Variants in RHCE observed in about 807,000 individuals in gnomAD.
RHCE encodes the protein blood group Rh(CE) polypeptide.
A neutral mutation model predicts 43.8 loss-of-function variants in RHCE; 22 were observed. The observed-to-expected ratio is 0.50, with a 90% CI of 0.36 to 0.72. The LOEUF (loss-of-function observed/expected upper bound fraction) is 0.72, where lower values mean the gene tolerates loss of function less well. Ranked by LOEUF, RHCE falls within the 30% of genes least tolerant of loss-of-function variation. The probability of loss-of-function intolerance (pLI) is 0.00; values close to 1 mark genes in which losing one functional copy is unlikely to be tolerated. For synonymous variants in RHCE, 156 were observed against 210.7 expected (o/e 0.74, Z 2.25); for missense variants, 385 against 525.4 (o/e 0.73, Z 2.61).
At chr1:25,425,770 A>G (rs1571937053), upstream of RHCE, among the ~76,000 whole-genome samples, 1 of 152,196 alleles carries the variant, frequency 6.6e-6, no homozygotes, top group Non-Finnish European at 1.5e-5. Context: ...CCCTGAGAAT[A>G]CCTGCCATGC....
chr1:25,413,380 G>A (rs1213424248), intron 1 of RHCE, among the ~76,000 whole-genome samples: 1 of 152,068 alleles, frequency 6.6e-6, no homozygotes, highest in East Asian at 1.9e-4. Context: ...TCCCAGCTTG[G>A]AGCATCCTCA....
rs151305419 is a variant in RHCE, at chr1:25,384,968, G to C, written c.1073+743C>G. 2.0e-5 allele frequency among the ~76,000 whole-genome samples: 3 copies of C among 152,324 alleles called. No individual in the cohort carries two copies. In the East Asian group the frequency reaches 5.8e-4, roughly 29 times the overall value. ...TATCAGTGAATATGATTATCATCAT[G>C]CTATCAGTTCATCTCTAAAAATCTA... is the stretch of plus-strand genomic sequence containing the variant. On this transcript the variant is annotated intron_variant, in intron 7 of 9. Transcript: ENST00000294413.
chr1:25,390,405 G>A (rs1056619904), intron 5 of RHCE, among the ~76,000 whole-genome samples: 24 of 152,150 alleles, frequency 1.6e-4, no homozygotes, highest in Non-Finnish European at 3.4e-4. Context: ...GAAGAGAGAG[G>A]CTGGCTAATT....
chr1:25,428,616 C>T (rs1270085123), intron 2 of RHCE, among the ~76,000 whole-genome samples: 2 of 152,228 alleles, frequency 1.3e-5, no homozygotes, highest in African/African-American at 4.8e-5. Flanking sequence ...GCTTGTCTGG[C>T]TCTGAAGGCT....
intron 1 of RHCE, among the ~76,000 whole-genome samples, chr1:25,411,969 T>C (rs925787264): frequency 4.6e-5 from 7 of 152,184 alleles, no homozygotes; most frequent in African/African-American, 1.7e-4. Context: ...AATTCTTCCA[T>C]TTTCCTCTCA....
chr1:25,379,517 TTTTTA>T (rs2124365185), intron 7 of RHCE, among the ~76,000 whole-genome samples: 1 of 111,482 alleles, frequency 9.0e-6, no homozygotes, highest in African/African-American at 3.6e-5. Context: ...TTTTTTTTTT[TTTTTA>T]AAGATGGGAT....
chr1:25,429,037 G>A (rs2042826863), exon 2 of RHCE: 1 of 152,226 alleles, frequency 6.6e-6, no homozygotes, highest in Admixed American at 6.5e-5. Context: ...TTCTCTTCCA[G>A]GCACTGGGAG....
chr1:25,372,953 C>T (rs1401918584), intron 8 of RHCE, among the ~76,000 whole-genome samples: 1 of 151,432 alleles, frequency 6.6e-6, no homozygotes, highest in East Asian at 1.9e-4. Context: ...TACAGGTGTA[C>T]CACCACACCT....
chr1:25,427,868 T>A (rs2042817221), intron 2 of RHCE, among the ~76,000 whole-genome samples: 1 of 152,188 alleles, frequency 6.6e-6, no homozygotes, highest in Admixed American at 6.5e-5. Context: ...AAGCACCACC[T>A]CCAGAGGAGA....
intron 3 of RHCE, among the ~76,000 whole-genome samples, chr1:25,395,702 C>T (rs914085774): frequency 1.3e-5 from 2 of 152,024 alleles, no homozygotes; most frequent in East Asian, 1.9e-4. Context: ...GTGTGTAAAC[C>T]GGAATCCAGG....
At chr1:25,379,473 ATATATATATATATATATATATATTTTT>A (rs1303009814) in intron 7 of RHCE, among the ~76,000 whole-genome samples, 6 of 12,586 alleles carry the variant, frequency 4.8e-4, no homozygotes, top group African/African-American at 9.3e-4. Context: ...ATATATATAT[ATATATATATATATATATATATATTTTT>A]TTTTTTTTTT....
intron 4 of RHCE, among the ~76,000 whole-genome samples, chr1:25,391,556 G>T (rs1646364866): frequency 6.6e-6 from 1 of 151,286 alleles, no homozygotes; most frequent in Non-Finnish European, 1.5e-5. Context: ...ATAGTCCTTT[G>T]CCTACTATCA....
chr1:25,410,371 A>ATT (rs1221493551), intron 1 of RHCE, among the ~76,000 whole-genome samples: 1 of 152,174 alleles, frequency 6.6e-6, no homozygotes, highest in East Asian at 1.9e-4. Flanking sequence ...ATTGTCTCTA[A>ATT]CTTTGGGAGA....
At chr1:25,397,713 A>C in intron 3 of RHCE, among the ~76,000 whole-genome samples, 6 of 145,576 alleles carry the variant, frequency 4.1e-5, no homozygotes, top group South Asian at 4.6e-4. Flanking sequence ...AGTCCACCCA[A>C]CTCCTTCCCT....
intron 1 of RHCE, among the ~76,000 whole-genome samples, chr1:25,418,691 T>G (rs1339804764): frequency 6.6e-6 from 1 of 152,254 alleles, no homozygotes; most frequent in African/African-American, 2.4e-5. Context: ...TGGCACCCAC[T>G]GTGCCCTCAC....
chr1:25,393,608 G>GACACT (rs111733038), intron 3 of RHCE, among the ~76,000 whole-genome samples: 3,347 of 151,932 alleles, frequency 0.022, 128 homozygotes, highest in African/African-American at 0.076. Context: ...GCGACAGAGT[G>GACACT]AGACTGCGTC....
chr1:25,380,640 A>C (rs1571849547), intron 7 of RHCE, among the ~76,000 whole-genome samples: 1 of 152,096 alleles, frequency 6.6e-6, no homozygotes, highest in South Asian at 2.1e-4. Flanking sequence ...TATGACTTTT[A>C]CCTTCCACAT....
intron 3 of RHCE, among the ~76,000 whole-genome samples, chr1:25,394,358 C>A (rs28461895): frequency 1.3e-5 from 2 of 151,992 alleles, no homozygotes; most frequent in Non-Finnish European, 2.9e-5. Flanking sequence ...CTCCCAGCAC[C>A]CTGCCATTGT....
chr1:25,403,934 A>C (rs1646834017), intron 2 of RHCE, among the ~76,000 whole-genome samples: 1 of 151,616 alleles, frequency 6.6e-6, no homozygotes, highest in Non-Finnish European at 1.5e-5. Flanking sequence ...TTGGGAGGCC[A>C]AGGCAGGTGG....
Sources: gnomAD v4.1 joint callset for allele counts (sites outside exome capture counted in the v4.1 genomes callset) on GRCh38, gnomAD v4.1.1 for gene constraint, MANE v1.5 for transcripts, NCBI Gene and HGNC (gene_info 2026-07-23, HGNC 2026-07-21) for gene names.